The following ASIC2 variants were observed in gnomAD, a reference collection of about 807,000 sequenced individuals.
ASIC2 encodes the protein acid sensing ion channel subunit 2.
In ASIC2, 25 loss-of-function variants were observed where a neutral mutation model predicts 57.3. That is an observed-to-expected ratio of 0.44 (90% CI 0.32 to 0.61). The LOEUF (loss-of-function observed/expected upper bound fraction) is 0.61, where lower values mean the gene tolerates loss of function less well. ASIC2 is among the 20% of genes least tolerant of loss of function. ASIC2 has a pLI of 0.06. For synonymous variants in ASIC2, 319 were observed against 307.5 expected (o/e 1.04, Z -0.39); for missense variants, 641 against 738.1 (o/e 0.87, Z 1.52).
chr17:33,400,400 CT>C (rs1402880165), intron 1 of ASIC2, among the ~76,000 whole-genome samples: 1 of 152,150 alleles, frequency 6.6e-6, no homozygotes, highest in African/African-American at 2.4e-5. Flanking sequence ...AAGAAGTGAG[CT>C]TAGAGGACAG....
At chr17:33,310,783 G>A (rs1357036927) in intron 1 of ASIC2, among the ~76,000 whole-genome samples, 2 of 152,096 alleles carry the variant, frequency 1.3e-5, no homozygotes, top group East Asian at 1.9e-4. Flanking sequence ...ATTACTTGGG[G>A]GCCAGGAGGA....
At chr17:33,378,639 T>C (rs1251334674) in intron 1 of ASIC2, among the ~76,000 whole-genome samples, 1 of 152,212 alleles carries the variant, frequency 6.6e-6, no homozygotes, top group Non-Finnish European at 1.5e-5. Context: ...CGCAGCAGGC[T>C]TTTGGTGAGA....
chr17:33,445,000 A>G (rs1911961735), intron 1 of ASIC2, among the ~76,000 whole-genome samples: 1 of 152,252 alleles, frequency 6.6e-6, no homozygotes, highest in Non-Finnish European at 1.5e-5. Flanking sequence ...GAGTTGTGAC[A>G]GACACTGTTT....
chr17:33,067,403 A>C (rs1054984295), intron 3 of ASIC2, among the ~76,000 whole-genome samples: 1 of 152,194 alleles, frequency 6.6e-6, no homozygotes, highest in Admixed American at 6.5e-5. Flanking sequence ...GTAGCATGGA[A>C]GAAAGTGTTG....
chr17:33,549,635 T>A (rs1915685577), intron 1 of ASIC2, among the ~76,000 whole-genome samples: 2 of 152,210 alleles, frequency 1.3e-5, no homozygotes, highest in Admixed American at 1.3e-4. Context: ...ATGCTTGTTT[T>A]TCAAATGAAG....
chr17:33,023,829 T>C (rs776190383), intron 6 of ASIC2, 32 bp downstream of exon 6: 10 of 1,612,578 alleles, frequency 6.2e-6, no homozygotes, highest in African/African-American at 4.0e-5. Context: ...CAGTTCCCCC[T>C]TCCCCCTGCC....
At chr17:33,882,621 G>T (rs1357405535) in intron 1 of ASIC2, among the ~76,000 whole-genome samples, 1 of 152,212 alleles carries the variant, frequency 6.6e-6, no homozygotes, top group Non-Finnish European at 1.5e-5. Flanking sequence ...ACAGGTGCTG[G>T]AGAGGATGTG....
chr17:33,158,616 T>G (rs570827699), intron 1 of ASIC2, among the ~76,000 whole-genome samples: 1 of 152,240 alleles, frequency 6.6e-6, no homozygotes, highest in East Asian at 1.9e-4. Flanking sequence ...CCAAGCCTAC[T>G]TCTCAGCAAC....
At chr17:34,112,956 G>T (rs1350127426) in intron 1 of ASIC2, among the ~76,000 whole-genome samples, 1 of 152,172 alleles carries the variant, frequency 6.6e-6, no homozygotes. Context: ...CAAGAGTAGG[G>T]TCAAGTAGAT....
chr17:33,992,919 C>G (rs1906045789), intron 1 of ASIC2, among the ~76,000 whole-genome samples: 1 of 152,042 alleles, frequency 6.6e-6, no homozygotes, highest in South Asian at 2.1e-4. Context: ...AGAAAGTGTC[C>G]CGAGTAGCTT....
chr17:33,325,226 C>G (rs1597683804), intron 1 of ASIC2, among the ~76,000 whole-genome samples: 1 of 152,114 alleles, frequency 6.6e-6, no homozygotes, highest in East Asian at 1.9e-4. Flanking sequence ...ACAAATAACT[C>G]AAAAAATGAA....
At chr17:33,382,122 T>A (rs1504580) in intron 1 of ASIC2, among the ~76,000 whole-genome samples, 21,388 of 151,994 alleles carry the variant, frequency 0.14, 3,644 homozygotes, top group African/African-American at 0.41. Flanking sequence ...CCGGGCGCTG[T>A]CTCTGCACTT....
chr17:34,089,873 C>G (rs914199960), intron 1 of ASIC2, among the ~76,000 whole-genome samples: 2 of 152,186 alleles, frequency 1.3e-5, no homozygotes, highest in African/African-American at 4.8e-5. Flanking sequence ...GCCCAGCAGT[C>G]GTGGCAGCAG....
chr17:34,074,270 C>T (rs1432074353), intron 1 of ASIC2, among the ~76,000 whole-genome samples: 2 of 152,132 alleles, frequency 1.3e-5, no homozygotes, highest in African/African-American at 4.8e-5. Context: ...AGAGCTCTAT[C>T]CCAAGGGGCT....
At chr17:33,034,192 TTTC>T (rs1283687944) in intron 3 of ASIC2, among the ~76,000 whole-genome samples, 1 of 152,154 alleles carries the variant, frequency 6.6e-6, no homozygotes, top group Admixed American at 6.5e-5. Flanking sequence ...CCTTCTTCTT[TTTC>T]TTCTTCTCCC....
intron 1 of ASIC2, among the ~76,000 whole-genome samples, chr17:33,301,303 A>T (rs1440494922): frequency 6.6e-6 from 1 of 151,994 alleles, no homozygotes; most frequent in African/African-American, 2.4e-5. Flanking sequence ...GATCTCCCAA[A>T]GTGCTAGGAT....
chr17:33,902,311 C>A (rs1915246531), intron 1 of ASIC2, among the ~76,000 whole-genome samples: 1 of 152,140 alleles, frequency 6.6e-6, no homozygotes, highest in Non-Finnish European at 1.5e-5. Flanking sequence ...CTATTAAGTG[C>A]AACTAAGCCT....
At chr17:34,029,478 T>C (rs561003524) in intron 1 of ASIC2, among the ~76,000 whole-genome samples, 10 of 152,126 alleles carry the variant, frequency 6.6e-5, no homozygotes, top group African/African-American at 2.2e-4. Flanking sequence ...GCATGAATAA[T>C]CTCACTTAAT....
intron 1 of ASIC2, among the ~76,000 whole-genome samples, chr17:33,476,780 A>G (rs1337267080): frequency 6.6e-6 from 1 of 152,016 alleles, no homozygotes; most frequent in Non-Finnish European, 1.5e-5. Context: ...CTCCCGAAGG[A>G]CTGTGCACAG....
Sources: gnomAD v4.1 joint callset for allele counts (sites outside exome capture counted in the v4.1 genomes callset) on GRCh38, gnomAD v4.1.1 for gene constraint, MANE v1.5 for transcripts, NCBI Gene and HGNC (gene_info 2026-07-23, HGNC 2026-07-21) for gene names.